Variants in NBAS observed in about 807,000 individuals in gnomAD.
NBAS encodes NBAS subunit of NRZ tethering complex.
A neutral mutation model predicts 302.5 loss-of-function variants in NBAS; 219 were observed. That is an observed-to-expected ratio of 0.72 (90% CI 0.65 to 0.81). The LOEUF (loss-of-function observed/expected upper bound fraction) is 0.81, where lower values mean the gene tolerates loss of function less well. Among genes scored for constraint, NBAS ranks in the 30% least tolerant of loss-of-function variants. The pLI is 0.00. For missense variants in NBAS, 2,932 were observed against 2,841.6 expected, an observed-to-expected ratio of 1.03 and a Z score of -0.72; for synonymous variants, 1,118 against 1,021.6, an observed-to-expected ratio of 1.09 and a Z score of -1.80.
At chr2:15,430,420 T>C (rs1197183630) in intron 21 of NBAS, among the ~76,000 whole-genome samples, 1 of 152,248 alleles carries the variant, frequency 6.6e-6, no homozygotes, top group Non-Finnish European at 1.5e-5. Context: ...CTACTACTGC[T>C]GCTGTATCAG....
At chr2:14,832,582 G>T in the NBAS span, among the ~76,000 whole-genome samples, 1 of 152,118 alleles carries the variant, frequency 6.6e-6, no homozygotes, top group African/African-American at 2.4e-5. Context: ...CCCTTTCAAT[G>T]ATCCCAGCCT....
chr2:15,554,339 A>C (rs1318669549), intron 3 of NBAS, among the ~76,000 whole-genome samples: 2 of 152,024 alleles, frequency 1.3e-5, no homozygotes, highest in Non-Finnish European at 2.9e-5. Flanking sequence ...TTTCCAAAAA[A>C]CACAGTGATG....
chr2:15,164,398 C>G (rs1226625965), downstream of NBAS, among the ~76,000 whole-genome samples: 3 of 152,200 alleles, frequency 2.0e-5, no homozygotes, highest in African/African-American at 7.2e-5. Context: ...TACTTACCAG[C>G]TTTGTGACAT....
At chr2:15,391,040 G>A (rs574282743) in intron 28 of NBAS, among the ~76,000 whole-genome samples, 22 of 152,092 alleles carry the variant, frequency 1.4e-4, no homozygotes, top group African/African-American at 2.9e-4. Context: ...AACCCTGGAG[G>A]TGGGGGTTGC....
chr2:15,253,890 T>G (rs1668468220), intron 44 of NBAS, among the ~76,000 whole-genome samples: 1 of 152,140 alleles, frequency 6.6e-6, no homozygotes, highest in Non-Finnish European at 1.5e-5. Flanking sequence ...CCATCTTGCC[T>G]TTAGCCTTCA....
At chr2:15,485,498 G>A (rs1409924300) in intron 12 of NBAS, among the ~76,000 whole-genome samples, 1 of 152,128 alleles carries the variant, frequency 6.6e-6, no homozygotes, top group East Asian at 1.9e-4. Flanking sequence ...ACACAGTCAT[G>A]GAAAGAACAT....
chr2:15,159,732 C>T, the NBAS span, among the ~76,000 whole-genome samples: 1 of 151,796 alleles, frequency 6.6e-6, no homozygotes, highest in African/African-American at 2.4e-5. Flanking sequence ...CTGAACTGTA[C>T]AGTAAGAAAG....
At chr2:14,823,644 G>T in the NBAS span, among the ~76,000 whole-genome samples, 1 of 152,268 alleles carries the variant, frequency 6.6e-6, no homozygotes, top group East Asian at 1.9e-4. Flanking sequence ...CTTTCTAAAT[G>T]AAAAGCAAAC....
chr2:15,283,213 C>A (rs928463447), intron 42 of NBAS, among the ~76,000 whole-genome samples: 1 of 152,166 alleles, frequency 6.6e-6, no homozygotes, highest in Non-Finnish European at 1.5e-5. Context: ...GCATCCTCTG[C>A]ATTTCAAAAT....
intron 35 of NBAS, among the ~76,000 whole-genome samples, chr2:15,334,092 A>G (rs940193375): frequency 6.6e-6 from 1 of 152,328 alleles, no homozygotes; most frequent in South Asian, 2.1e-4. Flanking sequence ...AAAAATTATA[A>G]TACTACTTGA....
intron 11 of NBAS, among the ~76,000 whole-genome samples, chr2:15,500,238 T>C (rs1228133436): frequency 6.6e-6 from 1 of 152,174 alleles, no homozygotes; most frequent in African/African-American, 2.4e-5. Context: ...AAAAATAAAG[T>C]AGTTTTCTAG....
At chr2:15,251,737 T>G (rs559499109) in intron 44 of NBAS, among the ~76,000 whole-genome samples, 2 of 152,312 alleles carry the variant, frequency 1.3e-5, no homozygotes, top group East Asian at 3.9e-4. Context: ...CTCGTCACCA[T>G]CTTGGTTTTG....
chr2:15,386,303 G>C (rs1675292303), intron 28 of NBAS, among the ~76,000 whole-genome samples: 1 of 152,172 alleles, frequency 6.6e-6, no homozygotes, highest in Admixed American at 6.5e-5. Flanking sequence ...CCTGGAAGAT[G>C]TGTTGGAGCC....
intron 36 of NBAS, 23 bp downstream of exon 36, chr2:15,330,575 A>C: frequency 6.2e-7 from 1 of 1,613,206 alleles, no homozygotes; most frequent in Non-Finnish European, 8.5e-7. Flanking sequence ...AGTTGATTTT[A>C]AAAAGAAAGA....
chr2:15,156,838 A>G, the NBAS span, among the ~76,000 whole-genome samples: 61 of 152,322 alleles, frequency 4.0e-4, no homozygotes, highest in Non-Finnish European at 6.3e-4. Flanking sequence ...CCTACTGAAC[A>G]TAATTTCCGC....
chr2:15,557,273 G>A (rs113475749), intron 2 of NBAS, among the ~76,000 whole-genome samples: 3,115 of 152,152 alleles, frequency 0.02, 97 homozygotes, highest in African/African-American at 0.068. Flanking sequence ...CCTCTAACAC[G>A]CTATAAAAAA....
In NBAS at chr2:15,222,987, A is replaced by G. The variant is rs565675312; in HGVS notation, c.6237-4019T>C. Among the ~76,000 whole-genome samples the G allele has an allele frequency of 5.6e-4, 86 of 152,374 alleles. No homozygotes were observed. The South Asian group carries it at 0.017, about 30-fold the overall frequency. On this transcript the variant is annotated intron_variant, in intron 47 of 51. Transcript: ENST00000281513. ...TGTGTTGATAGTTCAAACATATAATAAAATTATGAGAAGTCCTTCCTAAAA... is the reference window on the plus strand; with the variant it reads ...TGTGTTGATAGTTCAAACATATAATGAAATTATGAGAAGTCCTTCCTAAAA...
At chr2:15,049,956 G>GC in the NBAS span, among the ~76,000 whole-genome samples, 1 of 152,344 alleles carries the variant, frequency 6.6e-6, no homozygotes, top group Admixed American at 6.5e-5. Flanking sequence ...TCTGCTGGCT[G>GC]CCCTCGGCCA....
At chr2:15,305,283 G>C (rs558016711) in intron 40 of NBAS, among the ~76,000 whole-genome samples, 1 of 151,874 alleles carries the variant, frequency 6.6e-6, no homozygotes, top group Admixed American at 6.6e-5. Flanking sequence ...GGCTCTTCCC[G>C]CTTTGCTTGG....
Sources: gnomAD v4.1 joint callset for allele counts (sites outside exome capture counted in the v4.1 genomes callset) on GRCh38, gnomAD v4.1.1 for gene constraint, MANE v1.5 for transcripts, NCBI Gene and HGNC (gene_info 2026-07-23, HGNC 2026-07-21) for gene names.